The following PDE8B variants were observed in gnomAD, a reference collection of about 807,000 sequenced individuals.
PDE8B encodes the protein phosphodiesterase 8B.
In PDE8B, 26 loss-of-function variants were observed where a neutral mutation model predicts 101.3. That is an observed-to-expected ratio of 0.26 (90% CI 0.19 to 0.36). The LOEUF (loss-of-function observed/expected upper bound fraction) is 0.36. PDE8B is among the 10% of genes least tolerant of loss of function. The probability of loss-of-function intolerance (pLI) is 1.00; values close to 1 mark genes in which losing one functional copy is unlikely to be tolerated. For synonymous variants in PDE8B, 424 were observed against 429.3 expected, an observed-to-expected ratio of 0.99 and a Z score of 0.15; for missense variants, 810 against 1,163.1, an observed-to-expected ratio of 0.70 and a Z score of 4.42.
intron 20 of PDE8B, among the ~76,000 whole-genome samples, chr5:77,424,193 C>G (rs1046331133): frequency 6.6e-6 from 1 of 152,236 alleles, no homozygotes; most frequent in Middle Eastern, 3.4e-3. Flanking sequence ...AAGCCAAAAG[C>G]TGCTCATCAA....
intron 10 of PDE8B, among the ~76,000 whole-genome samples, chr5:77,381,931 C>G (rs1350364333): frequency 1.3e-5 from 2 of 152,122 alleles, no homozygotes; most frequent in African/African-American, 2.4e-5. Flanking sequence ...TTATCTTATG[C>G]CCAGGCTCAT....
intron 10 of PDE8B, among the ~76,000 whole-genome samples, chr5:77,381,802 C>T (rs1193536683): frequency 2.0e-5 from 3 of 152,060 alleles, no homozygotes; most frequent in South Asian, 2.1e-4. Flanking sequence ...ATCTATCCAT[C>T]ATAAATTATA....
intron 10 of PDE8B, among the ~76,000 whole-genome samples, chr5:77,385,393 A>G (rs973771374): frequency 6.7e-6 from 1 of 149,206 alleles, no homozygotes; most frequent in African/African-American, 2.5e-5. Flanking sequence ...CTAGTGGTCT[A>G]TTTTGATCTT....
At chr5:77,201,926 C>A in the PDE8B span, among the ~76,000 whole-genome samples, 1 of 152,142 alleles carries the variant, frequency 6.6e-6, no homozygotes, top group East Asian at 1.9e-4. Context: ...TCTGGTGAGG[C>A]CTCCCTCCTC....
At chr5:77,172,685 C>T in the PDE8B span, among the ~76,000 whole-genome samples, 1 of 152,184 alleles carries the variant, frequency 6.6e-6, no homozygotes, top group Non-Finnish European at 1.5e-5. Context: ...ACAGCCTCAG[C>T]CTTCAAGGAG....
At chr5:77,180,860 G>T in the PDE8B span, among the ~76,000 whole-genome samples, 2 of 152,176 alleles carry the variant, frequency 1.3e-5, no homozygotes, top group Admixed American at 6.5e-5. Flanking sequence ...CTTCCCCGGC[G>T]CGGGACGGTG....
intron 1 of PDE8B, among the ~76,000 whole-genome samples, chr5:77,297,538 C>G (rs893318445): frequency 3.3e-5 from 5 of 152,194 alleles, no homozygotes; most frequent in Non-Finnish European, 7.3e-5. Context: ...TCAGGGACCA[C>G]ACCTTGAGAA....
intron 5 of PDE8B, among the ~76,000 whole-genome samples, chr5:77,336,357 A>T (rs913088454): frequency 1.3e-5 from 2 of 152,122 alleles, no homozygotes; most frequent in South Asian, 2.1e-4. Context: ...ATCATTCCCA[A>T]ATGTGTTCCC....
chr5:77,219,485 G>A (rs565460857), intron 1 of PDE8B, among the ~76,000 whole-genome samples: 14 of 152,246 alleles, frequency 9.2e-5, no homozygotes, highest in African/African-American at 2.9e-4. Context: ...CCGTTCTGAC[G>A]TCAGAACCAC....
chr5:77,251,308 A>G (rs1758008658), intron 1 of PDE8B, among the ~76,000 whole-genome samples: 1 of 152,176 alleles, frequency 6.6e-6, no homozygotes, highest in Non-Finnish European at 1.5e-5. Flanking sequence ...GGTTCCCTGC[A>G]GTTTCACTGT....
intron 20 of PDE8B, among the ~76,000 whole-genome samples, chr5:77,424,927 C>A (rs1028058212): frequency 6.6e-6 from 1 of 151,832 alleles, no homozygotes; most frequent in Admixed American, 6.6e-5. Flanking sequence ...AGGCCCCAAG[C>A]GAACCTCCTG....
chr5:77,210,497 TGCAGGCAGGCGG>T, upstream of PDE8B: 2 of 370,490 alleles, frequency 5.4e-6, no homozygotes, highest in Non-Finnish European at 7.4e-6. The surrounding 1 kb of genome is among the most constrained non-coding windows in gnomAD (Gnocchi z 4.9). Flanking sequence ...GGAAAGAAGG[TGCAGGCAGGCGG>T]GCAGGCGGGC....
chr5:77,366,685 CG>C (rs1784209509), intron 10 of PDE8B, among the ~76,000 whole-genome samples: 2 of 152,118 alleles, frequency 1.3e-5, no homozygotes, highest in Non-Finnish European at 2.9e-5. Flanking sequence ...GAGGCCAGAG[CG>C]GGGCCTATGT....
At chr5:77,114,712 TA>T in the PDE8B span, 3 of 152,244 alleles carry the variant, frequency 2.0e-5, no homozygotes, top group East Asian at 1.9e-4. Flanking sequence ...AGAGGAAAGT[TA>T]AAAAAATAAA....
At chr5:77,291,430 G>A in intron 1 of PDE8B, 1 of 1,611,560 alleles carries the variant, frequency 6.2e-7, no homozygotes, top group Non-Finnish European at 8.5e-7. Context: ...ATTGTGACAG[G>A]TCTTGCCCAC....
chr5:77,151,971 G>C, the PDE8B span: 1 of 152,172 alleles, frequency 6.6e-6, no homozygotes, highest in African/African-American at 2.4e-5. Context: ...GCTGAGGAGA[G>C]GGCCCCTTCA....
chr5:77,174,271 C>G, the PDE8B span, among the ~76,000 whole-genome samples: 1 of 152,170 alleles, frequency 6.6e-6, no homozygotes, highest in Admixed American at 6.5e-5. Context: ...TTCTTGCCCA[C>G]CCTGTCTCTG....
chr5:77,186,462 C>G, the PDE8B span, among the ~76,000 whole-genome samples: 1 of 152,174 alleles, frequency 6.6e-6, no homozygotes, highest in Non-Finnish European at 1.5e-5. Flanking sequence ...ATTTTAATGA[C>G]CCTGGAATCA....
intron 13 of PDE8B, among the ~76,000 whole-genome samples, chr5:77,408,591 G>C (rs927523818): frequency 1.3e-5 from 2 of 152,126 alleles, no homozygotes; most frequent in African/African-American, 4.8e-5. Context: ...TTCTGGAAGC[G>C]AGAGAGTGAG....
Sources: allele counts gnomAD v4.1 joint callset (sites outside exome capture counted in the v4.1 genomes callset), GRCh38; gene constraint gnomAD v4.1.1; non-coding constraint Gnocchi (gnomAD v3.1); transcripts MANE v1.5; gene names NCBI Gene and HGNC (gene_info 2026-07-23, HGNC 2026-07-21).